The following NKAIN2 variants were observed in gnomAD, a reference collection of about 807,000 sequenced individuals.
NKAIN2 encodes sodium/potassium-transporting ATPase subunit beta-1-interacting protein 2.
Under a neutral mutation model 32.6 loss-of-function variants are expected in NKAIN2, and 14 were observed. That is an observed-to-expected ratio of 0.43 (90% CI 0.28 to 0.67). The LOEUF (loss-of-function observed/expected upper bound fraction) is 0.67. Among genes scored for constraint, NKAIN2 ranks in the 30% least tolerant of loss-of-function variants. The probability of loss-of-function intolerance (pLI) is 0.17; values close to 1 mark genes in which losing one functional copy is unlikely to be tolerated. For missense variants in NKAIN2, 198 were observed against 258.3 expected (o/e 0.77, Z 1.60); for synonymous variants, 80 against 87.2 (o/e 0.92, Z 0.46).
At chr6:124,608,994 T>C (rs1371901658) in intron 3 of NKAIN2, among the ~76,000 whole-genome samples, 3 of 152,142 alleles carry the variant, frequency 2.0e-5, no homozygotes, top group South Asian at 2.1e-4. Flanking sequence ...CTGTCTCTTA[T>C]TTGTTGCGGT....
chr6:124,724,971 T>A (rs1489872933), intron 4 of NKAIN2, among the ~76,000 whole-genome samples: 1 of 152,204 alleles, frequency 6.6e-6, no homozygotes, highest in Admixed American at 6.5e-5. Context: ...GGTCAAAGGA[T>A]CTCATAAAAT....
chr6:123,990,544 T>C (rs1001045344), intron 1 of NKAIN2, among the ~76,000 whole-genome samples: 2 of 152,178 alleles, frequency 1.3e-5, no homozygotes, highest in African/African-American at 4.8e-5. Context: ...GCTTTTCCTA[T>C]GTTGCAATAA....
At chr6:124,059,460 C>A (rs1782821655) in intron 1 of NKAIN2, among the ~76,000 whole-genome samples, 1 of 152,136 alleles carries the variant, frequency 6.6e-6, no homozygotes, top group Non-Finnish European at 1.5e-5. Context: ...ACCCTTACAC[C>A]TGTCACCATC....
chr6:124,719,153 T>G (rs1011276049), intron 4 of NKAIN2, among the ~76,000 whole-genome samples: 2 of 152,196 alleles, frequency 1.3e-5, no homozygotes, highest in African/African-American at 2.4e-5. Context: ...TTCCATAATA[T>G]TCTTAGGATA....
At chr6:124,070,548 T>C (rs1434683030) in intron 1 of NKAIN2, among the ~76,000 whole-genome samples, 2 of 152,188 alleles carry the variant, frequency 1.3e-5, no homozygotes, top group Admixed American at 6.5e-5. Context: ...CTTTCTGTCC[T>C]GAGAGGCAGT....
At chr6:124,057,097 G>A (rs1225338853) in intron 1 of NKAIN2, among the ~76,000 whole-genome samples, 3 of 152,034 alleles carry the variant, frequency 2.0e-5, no homozygotes, top group Non-Finnish European at 4.4e-5. Flanking sequence ...TTTTTCAAAA[G>A]GTTGAATCCA....
At chr6:124,441,648 A>C (rs1217700603) in intron 3 of NKAIN2, among the ~76,000 whole-genome samples, 1 of 152,072 alleles carries the variant, frequency 6.6e-6, no homozygotes, top group East Asian at 1.9e-4. Flanking sequence ...GTACACTTTC[A>C]GATGATTCTA....
intron 1 of NKAIN2, among the ~76,000 whole-genome samples, chr6:123,872,831 A>T (rs1234025161): frequency 6.6e-6 from 1 of 152,206 alleles, no homozygotes; most frequent in Non-Finnish European, 1.5e-5. Flanking sequence ...TCTAAAAGGT[A>T]AGTGTGATTG....
At chr6:124,580,692 C>A (rs777614447) in intron 3 of NKAIN2, among the ~76,000 whole-genome samples, 103 of 152,114 alleles carry the variant, frequency 6.8e-4, no homozygotes, top group Non-Finnish European at 1.2e-3. Flanking sequence ...GAACTAAACT[C>A]TTCAATCAAA....
chr6:124,421,903 C>T (rs1054852035), intron 3 of NKAIN2, among the ~76,000 whole-genome samples: 3 of 152,084 alleles, frequency 2.0e-5, no homozygotes, highest in African/African-American at 7.2e-5. Flanking sequence ...GAGCCCTTCT[C>T]GCATCTGCTG....
chr6:123,833,458 T>C (rs917912630), intron 1 of NKAIN2, among the ~76,000 whole-genome samples: 1 of 152,174 alleles, frequency 6.6e-6, no homozygotes, highest in African/African-American at 2.4e-5. Flanking sequence ...TTGATATGTA[T>C]AAAATAAGTT....
At chr6:124,034,576 C>G (rs1781532267) in intron 1 of NKAIN2, among the ~76,000 whole-genome samples, 1 of 152,036 alleles carries the variant, frequency 6.6e-6, no homozygotes, top group South Asian at 2.1e-4. Flanking sequence ...CCCTGCAATA[C>G]ACTCACAAAT....
intron 1 of NKAIN2, among the ~76,000 whole-genome samples, chr6:123,854,171 A>G (rs1775468123): frequency 6.6e-6 from 1 of 152,228 alleles, no homozygotes; most frequent in African/African-American, 2.4e-5. Flanking sequence ...ATATATGGGA[A>G]TCGGTGCTTT....
At chr6:124,525,655 T>G (rs1201083650) in intron 3 of NKAIN2, among the ~76,000 whole-genome samples, 1 of 151,994 alleles carries the variant, frequency 6.6e-6, no homozygotes, top group African/African-American at 2.4e-5. Flanking sequence ...TTTTAATTTC[T>G]TCACAACAAT....
At chr6:124,821,801 T>G (rs1185637932) in intron 6 of NKAIN2, among the ~76,000 whole-genome samples, 1 of 152,144 alleles carries the variant, frequency 6.6e-6, no homozygotes, top group Non-Finnish European at 1.5e-5. Flanking sequence ...CTCCAATCAT[T>G]CCTTCCACAA....
At chr6:124,453,118 G>T (rs1271221100) in intron 3 of NKAIN2, among the ~76,000 whole-genome samples, 1 of 151,960 alleles carries the variant, frequency 6.6e-6, no homozygotes, top group Non-Finnish European at 1.5e-5. Context: ...TTTCTTGCCA[G>T]GTTCTGTGAT....
intron 2 of NKAIN2, among the ~76,000 whole-genome samples, chr6:124,292,175 G>A (rs1795847072): frequency 6.6e-6 from 1 of 152,046 alleles, no homozygotes; most frequent in Non-Finnish European, 1.5e-5. Flanking sequence ...GGTTATTGCT[G>A]TTTTCCAGCC....
chr6:124,353,678 C>G (rs1361007817), intron 2 of NKAIN2, among the ~76,000 whole-genome samples: 1 of 151,886 alleles, frequency 6.6e-6, no homozygotes, highest in Non-Finnish European at 1.5e-5. Flanking sequence ...TGGCTTGAAC[C>G]TGGGAGGAGG....
intron 4 of NKAIN2, among the ~76,000 whole-genome samples, chr6:124,677,312 A>C (rs1310091433): frequency 6.6e-6 from 1 of 152,134 alleles, no homozygotes; most frequent in Admixed American, 6.5e-5. Flanking sequence ...CATATTTTCA[A>C]AAAGGAGTTT....
Sources: gnomAD v4.1 joint callset for allele counts (sites outside exome capture counted in the v4.1 genomes callset) on GRCh38, gnomAD v4.1.1 for gene constraint, MANE v1.5 for transcripts, NCBI Gene and HGNC (gene_info 2026-07-23, HGNC 2026-07-21) for gene names.